ARFGAP2: variants seen among roughly 807,000 people sequenced by gnomAD.
ARFGAP2 encodes the protein ADP-ribosylation factor GTPase-activating protein 2.
ARFGAP2 carries 45 observed loss-of-function variants against 71.9 expected under a neutral mutation model. That is an observed-to-expected ratio of 0.63 (90% CI 0.49 to 0.80). The LOEUF (loss-of-function observed/expected upper bound fraction) is 0.80, where lower values mean the gene tolerates loss of function less well. ARFGAP2 is among the 30% of genes least tolerant of loss of function. ARFGAP2 has a pLI of 0.00. For missense variants in ARFGAP2, 633 were observed against 673.9 expected, an observed-to-expected ratio of 0.94 and a Z score of 0.67; for synonymous variants, 248 against 249.2, an observed-to-expected ratio of 1.00 and a Z score of 0.05.
At chr11:47,167,887 A>G in intron 12 of ARFGAP2, 22 bp downstream of exon 12, 1 of 1,538,886 alleles carries the variant, frequency 6.5e-7, no homozygotes, top group Non-Finnish European at 8.7e-7. Flanking sequence ...AGAAAGAAAA[A>G]AGAAAAAACA....
Position 47,165,112 on chromosome 11 carries a change from C to G in ARFGAP2, c.*370G>C. ...AGAACCCTAGAGCCAGCAAAAAAAG[C>G]CTTCTACCTTCCGCTTTCCCTACCT... On this transcript the variant is annotated 3_prime_UTR_variant, in exon 16 of 16. Coordinates refer to ENST00000524782, the MANE Select transcript of ARFGAP2 (RefSeq NM_032389.6). 3.9e-6 allele frequency: 1 copy of G among 253,868 alleles called. No homozygotes were observed. Among genetic ancestry groups the G allele is most frequent in the Non-Finnish European group, 7.5e-6 (1 of 133,834 alleles). 15.7% of individuals were successfully genotyped at this position (253,868 alleles called of 1,614,324 possible). A position where few individuals can be genotyped will look rare whatever the true frequency, so the allele number is the denominator to read the frequency against.
intron 2 of ARFGAP2, chr11:47,176,156 C>T (rs1010627934): frequency 2.7e-5 from 16 of 596,646 alleles, no homozygotes; most frequent in African/African-American, 1.9e-4. Context: ...TTCTCAGGCA[C>T]GCACGCCTGG....
At chr11:47,168,331 T>G (rs937271876) in intron 10 of ARFGAP2, 80 bp from the exon 11 acceptor site, 3 of 1,587,574 alleles carry the variant, frequency 1.9e-6, no homozygotes, top group Admixed American at 3.4e-5. Flanking sequence ...GCCCAGCAAC[T>G]GGGTTCTCCT....
At chr11:47,176,755 G>T (rs987253089) in intron 1 of ARFGAP2, 27 bp downstream of exon 1, 4 of 1,613,870 alleles carry the variant, frequency 2.5e-6, no homozygotes, top group Non-Finnish European at 3.4e-6. Context: ...CGGGACGAGA[G>T]ACTCCGCGCG....
intron 5 of ARFGAP2, 47 bp from the exon 6 acceptor site, chr11:47,173,887 T>A (rs767546812): frequency 1.2e-4 from 194 of 1,559,024 alleles, no homozygotes; most frequent in Non-Finnish European, 1.6e-4. Context: ...CCACTCCTGC[T>A]GGCAAGAAGC....
At chr11:47,175,675 A>C in intron 3 of ARFGAP2, 176 bp downstream of exon 3, 1 of 723,182 alleles carries the variant, frequency 1.4e-6, no homozygotes, top group Non-Finnish European at 2.3e-6. Context: ...TTGGAATCTG[A>C]AACCCATTTA....
Position 47,175,851 on chromosome 11 carries a change from C to T in ARFGAP2, c.264G>A (p.Ala88=), listed in dbSNP as rs750192292. The change falls in exon 3 of 16, where the codon GCG becomes GCA. Residue 88 remains alanine (A), a splice_region_variant and synonymous_variant. Coordinates refer to ENST00000524782, the MANE Select transcript of ARFGAP2 (RefSeq NM_032389.6). Reference sequence around the variant, plus strand: ...GTGAGGGAAGTAGAAGGAGCTTTACCGCATTGGCATTCCCGCCGACCTGCA... The same window carrying T: ...GTGAGGGAAGTAGAAGGAGCTTTACTGCATTGGCATTCCCGCCGACCTGCA... ...RCMQVGGNAN[A]TAFFRQHGCT... is the part of the protein sequence containing the mutation. 1.2e-6 allele frequency: 2 copies of T among 1,614,084 alleles called. No individual in the cohort carries two copies. Among genetic ancestry groups the T allele is most frequent in the Non-Finnish European group, 1.7e-6 (2 of 1,179,998 alleles).
At chr11:47,176,226 A>G (rs892639934) in intron 2 of ARFGAP2, 14 of 586,210 alleles carry the variant, frequency 2.4e-5, no homozygotes, top group East Asian at 8.5e-5. Context: ...GTCTAACAAC[A>G]TATCAGCAAC....
Position 47,166,789 on chromosome 11 carries a change from T to A in ARFGAP2, c.1303A>T (p.Met435Leu), listed in dbSNP as rs755409543. The change falls in exon 13 of 16, where the codon ATG (methionine) becomes TTG (leucine). Residue 435 changes from methionine to leucine, a missense_variant. Coordinates refer to ENST00000524782, the MANE Select transcript of ARFGAP2 (RefSeq NM_032389.6). ...FAGAKAISSD[M>L]FFGREVDAEY... ...GCATCCACCTCCCGCCCAAAGAACA[T>A]GTCAGATGAGATGGCTTTGGCTCCT... The A allele has an allele frequency of 6.2e-7, 1 of 1,614,058 alleles. No individual in the cohort carries two copies. The highest frequency in any genetic ancestry group is 1.3e-5 in the African/African-American group (1 of 75,052).
chr11:47,176,440 G>A, intron 2 of ARFGAP2, 76 bp downstream of exon 2: 2 of 1,395,878 alleles, frequency 1.4e-6, no homozygotes, highest in South Asian at 1.2e-5. Context: ...CCCAAGTCGA[G>A]GCAGCCACTC....
chr11:47,165,517 G>GA lies in ARFGAP2; in HGVS notation c.1546-16_1546-15insT. The GA allele has an allele frequency of 6.6e-7, 1 of 1,518,254 alleles. No homozygotes were observed. The highest frequency in any genetic ancestry group is 2.1e-5 in the Admixed American group (1 of 47,340). 94.0% of individuals were successfully genotyped at this position (1,518,254 alleles called of 1,614,324 possible). On this transcript the variant is annotated splice_polypyrimidine_tract_variant and intron_variant, in intron 15 of 15. Transcript: ENST00000524782. Reference sequence around the variant, plus strand: ...CCGTAGCGATCCTGGGGGCGAGGGGGGAGAAAAAAAAAAAAAAAGTCAGAG... The same window carrying GA: ...CCGTAGCGATCCTGGGGGCGAGGGGGAGAGAAAAAAAAAAAAAAAGTCAGAG...
At position 47,168,549 on chromosome 11, in the gene ARFGAP2, C is replaced by T. The variant is rs563291503; in HGVS notation, c.942-298G>A. 5 of 244,336 alleles carry T rather than the reference C, an allele frequency of 2.0e-5. No individual in the cohort carries two copies. In the East Asian group the frequency reaches 3.0e-4, roughly 15 times the overall value. The allele number at this position is 244,336 out of a possible 1,614,324, so 15.1% of individuals were successfully genotyped here. A position where few individuals can be genotyped will look rare whatever the true frequency, so the allele number is the denominator to read the frequency against. On this transcript the variant is annotated intron_variant, in intron 10 of 15. Coordinates refer to ENST00000524782, the MANE Select transcript of ARFGAP2 (RefSeq NM_032389.6). ...TTTATTTATTTATTTGAGACAGATT[C>T]TCACTCTGTCGCCCAGGCTGGAGTC...
chr11:47,166,870 C>T lies in ARFGAP2; in HGVS notation c.1222G>A (p.Glu408Lys), dbSNP rs1952405934. Residue 408 changes from glutamate to lysine, a missense_variant, in exon 13 of 16, where the codon GAA becomes AAA. Transcript: ENST00000524782. Reference protein sequence around the residue: ...PISERATNRREVESRSSGLES... With the variant: ...PISERATNRRKVESRSSGLES... ...AGGCCTGAGCTCCGGCTCTCCACTTCCCTCCGGTTTGTGGCTCTGAGGGGA... is the reference window on the plus strand; with the variant it reads ...AGGCCTGAGCTCCGGCTCTCCACTTTCCTCCGGTTTGTGGCTCTGAGGGGA... The T allele has an allele frequency of 1.2e-6, 2 of 1,613,692 alleles. No individual in the cohort carries two copies. The highest frequency in any genetic ancestry group is 1.7e-6 in the Non-Finnish European group (2 of 1,179,986).
At chr11:47,167,070 C>A (rs1952415581) in intron 12 of ARFGAP2, among the ~76,000 whole-genome samples, 184 bp from the exon 13 acceptor site, 1 of 152,172 alleles carries the variant, frequency 6.6e-6, no homozygotes, top group Non-Finnish European at 1.5e-5. Context: ...ACATTGAGGC[C>A]AAGGCCCAGA....
In ARFGAP2 at chr11:47,165,520, GAAAAAAA is replaced by G. The variant is rs377653037; in HGVS notation, c.1546-25_1546-19del. 2 of 1,404,432 alleles carry G rather than the reference GAAAAAAA, an allele frequency of 1.4e-6. No homozygotes were observed. The highest frequency in any genetic ancestry group is 3.1e-5 in the African/African-American group (2 of 65,252). 87.0% of individuals were successfully genotyped at this position (1,404,432 alleles called of 1,614,324 possible). ...TAGCGATCCTGGGGGCGAGGGGGGA[GAAAAAAA>G]AAAAAAAAGTCAGAGGCTCTAAGCT... On this transcript the variant is annotated intron_variant, in intron 15 of 15. Coordinates refer to ENST00000524782, the MANE Select transcript of ARFGAP2 (RefSeq NM_032389.6).
chr11:47,165,195 C>T lies in ARFGAP2; in HGVS notation c.*287G>A. 2.6e-6 allele frequency: 1 copy of T among 387,912 alleles called. No homozygotes were observed. The highest frequency in any genetic ancestry group is 6.5e-4 in the Middle Eastern group (1 of 1,544). The allele number at this position is 387,912 out of a possible 1,614,324, so 24.0% of individuals were successfully genotyped here. A position where few individuals can be genotyped will look rare whatever the true frequency, so the allele number is the denominator to read the frequency against. ...GGGGGAACCCCCTTTCCCAGTATGG[C>T]AGGATAAGTGAGCAGCAGCTGTGGG... On this transcript the variant is annotated 3_prime_UTR_variant, in exon 16 of 16. Coordinates refer to ENST00000524782, the MANE Select transcript of ARFGAP2 (RefSeq NM_032389.6).
At chr11:47,173,325 T>C in intron 7 of ARFGAP2, 101 bp downstream of exon 7, 2 of 1,336,234 alleles carry the variant, frequency 1.5e-6, no homozygotes, top group African/African-American at 1.5e-5. Flanking sequence ...CTCAGTCTCC[T>C]GTGGCCTCTG....
At chr11:47,166,140 G>A (rs1952364898) in intron 15 of ARFGAP2, 128 bp downstream of exon 15, 2 of 898,834 alleles carry the variant, frequency 2.2e-6, no homozygotes, top group East Asian at 2.4e-5. Flanking sequence ...GGGATTACAG[G>A]CGTGAGCCAC....
At chr11:47,173,043 G>A (rs530969650) in intron 7 of ARFGAP2, 10 of 362,424 alleles carry the variant, frequency 2.8e-5, no homozygotes, top group Non-Finnish European at 5.3e-5. Context: ...AAAGAACAAT[G>A]TCACCTCCAG....
Sources: gnomAD v4.1 joint callset for allele counts (sites outside exome capture counted in the v4.1 genomes callset) on GRCh38, gnomAD v4.1.1 for gene constraint, MANE v1.5 for transcripts, NCBI Gene and HGNC (gene_info 2026-07-23, HGNC 2026-07-21) for gene names.